The following ZNF143 variants were observed in gnomAD, a reference collection of about 807,000 sequenced individuals.
The protein encoded by ZNF143 is SPH-binding factor.
Under a neutral mutation model 74.1 loss-of-function variants are expected in ZNF143, and 49 were observed. That is an observed-to-expected ratio of 0.66 (90% CI 0.53 to 0.84). The LOEUF (loss-of-function observed/expected upper bound fraction) is 0.84, where lower values mean the gene tolerates loss of function less well. Among genes scored for constraint, ZNF143 ranks in the 40% least tolerant of loss-of-function variants. ZNF143 has a pLI of 0.00. For synonymous variants in ZNF143, 304 were observed against 282.8 expected, an observed-to-expected ratio of 1.07 and a Z score of -0.75; for missense variants, 637 against 793.4, an observed-to-expected ratio of 0.80 and a Z score of 2.37.
chr11:9,527,307 A>G (rs967649718), intron 15 of ZNF143, among the ~76,000 whole-genome samples: 6 of 152,234 alleles, frequency 3.9e-5, no homozygotes, highest in African/African-American at 1.4e-4. Flanking sequence ...GGCTGCACAT[A>G]GGATTTGAAA....
In ZNF143 at chr11:9,501,117, G is replaced by A; in HGVS notation, c.994G>A (p.Glu332Lys). Residue 332 changes from glutamate (E) to lysine (K), a missense_variant, in exon 11 of 16, where the codon GAA (glutamate) becomes AAA (lysine). By Grantham distance (56) the Glu-to-Lys change is moderately conservative. This residue lies in a region of ZNF143 where 344 missense variants were observed against 485.6 expected (regional missense o/e 0.71). Coordinates refer to ENST00000396602, the MANE Select transcript of ZNF143 (RefSeq NM_003442.6). ...AGAAAGGCCCTTTAAGTGTCCCTTC[G>A]AAGGCTGCGGTCGGTCCTTTACAAC... is the stretch of plus-strand genomic sequence containing the variant. ...TGERPFKCPFEGCGRSFTTSN... is the reference protein window; with the variant it reads ...TGERPFKCPFKGCGRSFTTSN... 6.2e-7 allele frequency: 1 copy of A among 1,614,090 alleles called. No homozygotes were observed. The highest frequency in any genetic ancestry group is 1.1e-5 in the South Asian group (1 of 91,074).
intron 7 of ZNF143, among the ~76,000 whole-genome samples, chr11:9,493,194 C>G (rs768073472): frequency 2.0e-5 from 3 of 151,638 alleles, no homozygotes; most frequent in Admixed American, 2.0e-4. Context: ...CTCAGCCTCC[C>G]GAGTAACTGA....
intron 12 of ZNF143, among the ~76,000 whole-genome samples, chr11:9,511,809 T>C (rs2134175962): frequency 6.8e-6 from 1 of 147,064 alleles, no homozygotes; most frequent in East Asian, 2.0e-4. Flanking sequence ...TGGACTGCAG[T>C]GGCGTGATCT....
At chr11:9,480,885 CAAAA>C (rs34087710) in intron 7 of ZNF143, among the ~76,000 whole-genome samples, 14 of 105,090 alleles carry the variant, frequency 1.3e-4, no homozygotes, top group African/African-American at 4.6e-4. Context: ...GAAACTGTCT[CAAAA>C]AAAAAAAAAA....
intron 7 of ZNF143, among the ~76,000 whole-genome samples, chr11:9,481,666 T>G (rs1847243815): frequency 6.6e-6 from 1 of 151,950 alleles, no homozygotes; most frequent in Admixed American, 6.6e-5. Context: ...GGCAGGTGGA[T>G]CACCTGAGGT....
chr11:9,503,544 T>C (rs1848242473), intron 11 of ZNF143, among the ~76,000 whole-genome samples: 1 of 152,004 alleles, frequency 6.6e-6, no homozygotes, highest in Admixed American at 6.5e-5. Flanking sequence ...ACAGTTGTTA[T>C]TATCTGTCTT....
chr11:9,478,626 CTTCT>C (rs777438831), intron 6 of ZNF143, 40 bp downstream of exon 6: 21 of 1,552,180 alleles, frequency 1.4e-5, no homozygotes, highest in Non-Finnish European at 1.8e-5. Context: ...GCAGATATAG[CTTCT>C]TTATTTTTCA....
At chr11:9,499,384 A>G (rs1848076747) in intron 10 of ZNF143, among the ~76,000 whole-genome samples, 2 of 152,192 alleles carry the variant, frequency 1.3e-5, no homozygotes, top group African/African-American at 4.8e-5. Flanking sequence ...CTTGCCCAGG[A>G]TAAACTCTTT....
intron 2 of ZNF143, among the ~76,000 whole-genome samples, chr11:9,472,128 C>G (rs1312112065): frequency 6.6e-6 from 1 of 151,540 alleles, no homozygotes; most frequent in Non-Finnish European, 1.5e-5. Context: ...AGGGTTTCAC[C>G]ATGTTGCCCA....
intron 10 of ZNF143, among the ~76,000 whole-genome samples, chr11:9,498,267 G>T (rs981621181): frequency 6.6e-6 from 1 of 152,216 alleles, no homozygotes; most frequent in Admixed American, 6.5e-5. Context: ...CTGCTTTTCA[G>T]GGTGAGGGCT....
intron 11 of ZNF143, among the ~76,000 whole-genome samples, chr11:9,504,172 G>T (rs1336457904): frequency 6.6e-6 from 1 of 151,632 alleles, no homozygotes; most frequent in Admixed American, 6.6e-5. Context: ...TGTTGGCCAG[G>T]CTAGTCTCAA....
intron 14 of ZNF143, among the ~76,000 whole-genome samples, chr11:9,521,523 ACAC>A (rs965427063): frequency 6.6e-5 from 10 of 151,234 alleles, no homozygotes; most frequent in Non-Finnish European, 1.0e-4. Context: ...GTTAATTAGG[ACAC>A]CACCATCTAT....
Position 9,526,460 on chromosome 11 carries a change from G to A in ZNF143, c.1834-1070G>A, listed in dbSNP as rs570058293. ...CGCCCACGTGTTTACTTGATAAAGA[G>A]TTAGAACACACTCCAGGAAATGTCA... On this transcript the variant is annotated intron_variant, in intron 15 of 15. Transcript: ENST00000396602. Among the ~76,000 whole-genome samples, 256 of 152,280 alleles carry A rather than the reference G, an allele frequency of 1.7e-3. 1 individual carries two copies. Among genetic ancestry groups the A allele is most frequent in the Non-Finnish European group, 2.6e-3 (180 of 68,022 alleles).
At chr11:9,490,921 G>A (rs1565043264) in intron 7 of ZNF143, among the ~76,000 whole-genome samples, 1 of 152,038 alleles carries the variant, frequency 6.6e-6, no homozygotes, top group Admixed American at 6.6e-5. Context: ...TTGCAGAGAT[G>A]GGGTTCCCCC....
At chr11:9,481,654 G>C (rs908108835) in intron 7 of ZNF143, among the ~76,000 whole-genome samples, 2 of 151,944 alleles carry the variant, frequency 1.3e-5, no homozygotes, top group African/African-American at 4.8e-5. Context: ...TTGGGAGGCC[G>C]AGGCAGGTGG....
In ZNF143 at chr11:9,478,724, C is replaced by T. The variant is rs1424294942; in HGVS notation, c.570+138C>T. The stretch of plus-strand genomic sequence containing the variant: ...CTGGGCATGGCGTGATGGCTCACGC[C>T]TATAACTTCCCAGCACTTTGGGAGG... On this transcript the variant is annotated intron_variant, in intron 6 of 15. Transcript: ENST00000396602. 3 of 896,688 alleles carry T rather than the reference C, an allele frequency of 3.3e-6. No individual in the cohort carries two copies. The African/African-American group carries it at 5.0e-5, about 15-fold the overall frequency. 55.5% of individuals were successfully genotyped at this position (896,688 alleles called of 1,614,324 possible).
At chr11:9,497,831 T>TC (rs1848017089) in intron 10 of ZNF143, 31 bp downstream of exon 10, 21 of 1,097,708 alleles carry the variant, frequency 1.9e-5, no homozygotes, top group Non-Finnish European at 2.6e-5. Flanking sequence ...TCAAAATCTT[T>TC]TTTTTTTTTT....
rs754146271 is a variant in ZNF143 at position 9,497,785 on chromosome 11, A to C, written c.952A>C (p.Ile318Leu). Residue 318 changes from isoleucine (I) to leucine (L), a missense_variant, in exon 10 of 16, where the codon ATC becomes CTC. Physicochemically the swap from Ile to Leu is conservative, Grantham distance 5. This residue lies in a region of ZNF143 where 344 missense variants were observed against 485.6 expected (regional missense o/e 0.71). Coordinates refer to ENST00000396602, the MANE Select transcript of ZNF143 (RefSeq NM_003442.6). ...FKTSGDLQKHIRTHTGERPFK... is the reference protein window; with the variant it reads ...FKTSGDLQKHLRTHTGERPFK... ...AACTTCAGGAGATCTACAGAAACAC[A>C]TCAGAACTCATACAGGTACTAGTGG... 2.5e-6 allele frequency: 4 copies of C among 1,606,750 alleles called. No individual in the cohort carries two copies. Among genetic ancestry groups the C allele is most frequent in the African/African-American group, 1.3e-5 (1 of 74,264 alleles).
At chr11:9,491,900 G>T (rs1441260842) in intron 7 of ZNF143, among the ~76,000 whole-genome samples, 1 of 152,078 alleles carries the variant, frequency 6.6e-6, no homozygotes, top group African/African-American at 2.4e-5. Flanking sequence ...AAAGTGCTGG[G>T]ATTATAGGCT....
Sources: gnomAD v4.1 joint callset for allele counts (sites outside exome capture counted in the v4.1 genomes callset) on GRCh38, gnomAD v4.1.1 for gene constraint, gnomAD v4.1.1 regional missense constraint, MANE v1.5 for transcripts, NCBI Gene and HGNC (gene_info 2026-07-23, HGNC 2026-07-21) for gene names.